OR56A3: variants seen among roughly 807,000 people sequenced by gnomAD.
OR56A3 encodes the protein olfactory receptor family 56 subfamily A member 3.
Under a neutral mutation model 17.5 loss-of-function variants are expected in OR56A3, and 23 were observed. The ratio of observed to expected loss-of-function variants is 1.32; its 90% CI spans 0.95 to 1.87. OR56A3 has a LOEUF of 1.87. OR56A3 is among the 40% of genes most tolerant of loss of function. The probability of loss-of-function intolerance (pLI) is 0.00; values close to 1 mark genes in which losing one functional copy is unlikely to be tolerated. For missense variants in OR56A3, 366 were observed against 380.1 expected (o/e 0.96, Z 0.31); for synonymous variants, 175 against 150.6 (o/e 1.16, Z -1.19).
the OR56A3 span, among the ~76,000 whole-genome samples, chr11:5,995,649 A>G: frequency 6.6e-6 from 1 of 152,184 alleles, no homozygotes. Context: ...TGTGTACAAC[A>G]TGTTTTAAAG....
chr11:5,968,131 C>T, the OR56A3 span: 1 of 1,614,144 alleles, frequency 6.2e-7, no homozygotes, highest in African/African-American at 1.3e-5. Flanking sequence ...CGGTCATAGG[C>T]CATGATCATG....
At chr11:5,988,920 A>C in the OR56A3 span, among the ~76,000 whole-genome samples, 4 of 152,240 alleles carry the variant, frequency 2.6e-5, no homozygotes, top group Non-Finnish European at 5.9e-5. Flanking sequence ...GGTGGTGCAC[A>C]TGTGCGTGTA....
the OR56A3 span, among the ~76,000 whole-genome samples, chr11:5,987,214 G>C: frequency 1.3e-5 from 2 of 152,180 alleles, no homozygotes; most frequent in Non-Finnish European, 2.9e-5. Flanking sequence ...ACTTCAAAGA[G>C]TTATTTTTAT....
chr11:5,965,490 T>C, the OR56A3 span, among the ~76,000 whole-genome samples: 1 of 152,194 alleles, frequency 6.6e-6, no homozygotes, highest in African/African-American at 2.4e-5. Context: ...GAACTGTGAG[T>C]TATATAAGGC....
chr11:5,965,258 A>G, the OR56A3 span, among the ~76,000 whole-genome samples: 3 of 152,226 alleles, frequency 2.0e-5, no homozygotes, highest in Non-Finnish European at 4.4e-5. Flanking sequence ...AAAATGTTTT[A>G]TAAATTAGGT....
chr11:6,013,433 T>C, the OR56A3 span, among the ~76,000 whole-genome samples: 4 of 152,194 alleles, frequency 2.6e-5, no homozygotes, highest in South Asian at 8.3e-4. Context: ...CAGGCCCAGC[T>C]GTTGGGAGTG....
At chr11:6,005,290 G>A in the OR56A3 span, among the ~76,000 whole-genome samples, 1 of 152,148 alleles carries the variant, frequency 6.6e-6, no homozygotes, top group Non-Finnish European at 1.5e-5. Flanking sequence ...ATTTCGTGGG[G>A]GAGAATAAAG....
rs1486268437 is a variant in OR56A3 at position 5,947,985 on chromosome 11, T to C, written c.639T>C (p.Ser213=). 2 of 1,614,108 alleles carry C rather than the reference T, an allele frequency of 1.2e-6. No individual in the cohort carries two copies. Among genetic ancestry groups the C allele is most frequent in the South Asian group, 1.1e-5 (1 of 91,096 alleles). The change falls in exon 3 of 3, where the codon TCT becomes TCC. Residue 213 remains serine, a synonymous_variant. Coordinates refer to ENST00000641160, the MANE Select transcript of OR56A3 (RefSeq NM_001003443.3). ...CTGGAGGCTGGACTCTGCTAGGATC[T>C]GACCTCATCCTTATCTTCCTCTCCT... ...QFAGGWTLLG[S]DLILIFLSYT...
chr11:6,003,179 T>C, the OR56A3 span: 1 of 1,420,302 alleles, frequency 7.0e-7, no homozygotes, highest in Non-Finnish European at 9.5e-7. Flanking sequence ...GTATGTATCA[T>C]ATGCCAGCCA....
the OR56A3 span, among the ~76,000 whole-genome samples, chr11:5,962,215 C>T: frequency 6.6e-6 from 1 of 152,156 alleles, no homozygotes; most frequent in African/African-American, 2.4e-5. Context: ...TGTTGGTTAG[C>T]ATTTATTCTT....
At chr11:6,015,997 T>A in the OR56A3 span, among the ~76,000 whole-genome samples, 38 of 152,272 alleles carry the variant, frequency 2.5e-4, no homozygotes, top group African/African-American at 9.1e-4. Context: ...GGTGTGGATT[T>A]GTGTCCCCGC....
downstream of OR56A3, among the ~76,000 whole-genome samples, chr11:5,954,479 T>A (rs1847923194): frequency 6.6e-6 from 1 of 152,196 alleles, no homozygotes; most frequent in African/African-American, 2.4e-5. Context: ...GGAATTATAC[T>A]TTCAAAGTCT....
At chr11:5,985,698 G>A in the OR56A3 span, among the ~76,000 whole-genome samples, 32 of 152,294 alleles carry the variant, frequency 2.1e-4, no homozygotes, top group African/African-American at 7.7e-4. Context: ...CTGACACAAG[G>A]AGTAGAGAAA....
chr11:5,943,347 C>G (rs1345334301), intron 1 of OR56A3: 2 of 152,054 alleles, frequency 1.3e-5, no homozygotes, highest in African/African-American at 2.4e-5. Flanking sequence ...TATGGATACT[C>G]ATGCCTAAGT....
chr11:6,011,204 TTATA>T, the OR56A3 span, among the ~76,000 whole-genome samples: 1 of 122,520 alleles, frequency 8.2e-6, no homozygotes. Context: ...GAGATTTATT[TTATA>T]TATATATATA....
chr11:5,980,739 G>A, the OR56A3 span, among the ~76,000 whole-genome samples: 1 of 152,116 alleles, frequency 6.6e-6, no homozygotes, highest in Non-Finnish European at 1.5e-5. Flanking sequence ...TGGCTGTTAT[G>A]TAGACTTGAT....
At chr11:6,004,815 C>G in the OR56A3 span, among the ~76,000 whole-genome samples, 16 of 152,286 alleles carry the variant, frequency 1.1e-4, no homozygotes, top group South Asian at 2.7e-3. Context: ...ATGGCTTAAT[C>G]TATTTGAACA....
chr11:5,986,147 G>A, the OR56A3 span: 1 of 1,613,968 alleles, frequency 6.2e-7, no homozygotes, highest in Non-Finnish European at 8.5e-7. Flanking sequence ...ACACAAATAT[G>A]AGAGCCACAT....
At chr11:6,017,103 G>T in the OR56A3 span, 1 of 101,826 alleles carries the variant, frequency 9.8e-6, no homozygotes, top group Non-Finnish European at 2.0e-5. Context: ...GGAATATTGG[G>T]TGCTGTAGGA....
Sources: allele counts gnomAD v4.1 joint callset (sites outside exome capture counted in the v4.1 genomes callset), GRCh38; gene constraint gnomAD v4.1.1; transcripts MANE v1.5; gene names NCBI Gene and HGNC (gene_info 2026-07-23, HGNC 2026-07-21).